The following RYR1 variants were observed in gnomAD, a reference collection of about 807,000 sequenced individuals.
RYR1 encodes the protein ryanodine receptor 1, also known as central core disease of muscle.
In RYR1, 342 loss-of-function variants were observed where a neutral mutation model predicts 583.5. The observed-to-expected ratio is 0.59, with a 90% CI of 0.54 to 0.64. The LOEUF is 0.64. Ranked by LOEUF, RYR1 falls within the 30% of genes least tolerant of loss-of-function variation. RYR1 has a pLI of 0.00. For missense variants in RYR1, 6,032 were observed against 6,917.2 expected (o/e 0.87, Z 4.54); for synonymous variants, 2,791 against 2,822.5 (o/e 0.99, Z 0.35).
chr19:38,484,749 T>G (rs1969198242), intron 33 of RYR1, among the ~76,000 whole-genome samples: 1 of 144,434 alleles, frequency 6.9e-6, no homozygotes, highest in Admixed American at 6.7e-5. Flanking sequence ...GAGGGAGGGT[T>G]GCTTGAGGCC....
intron 102 of RYR1, among the ~76,000 whole-genome samples, chr19:38,585,362 G>T (rs1227579084): frequency 7.1e-6 from 1 of 141,386 alleles, no homozygotes; most frequent in African/African-American, 2.8e-5. Flanking sequence ...GCTCAATAAA[G>T]GCCTGAGATA....
rs759159898 is a variant in RYR1 at position 38,463,438 on chromosome 19, C to T, written c.2593C>T (p.His865Tyr). ...CTGCCTCTAGATTGTCCTGCCGCCCCATCTGGAGCGCATTCGGGAGAAGCT... is the reference window on the plus strand; with the variant it reads ...CTGCCTCTAGATTGTCCTGCCGCCCTATCTGGAGCGCATTCGGGAGAAGCT... ...VDTVQIVLPP[H>Y]LERIREKLAE... The change falls in exon 21 of 106, where the codon CAT becomes TAT. Residue 865 changes from histidine to tyrosine, a missense_variant. Physicochemically the swap from His to Tyr is moderately conservative, Grantham distance 83 (BLOSUM62 2). This residue lies in a region of RYR1 where 2,627 missense variants were observed against 2,961.3 expected (regional missense o/e 0.89). Coordinates refer to ENST00000359596, the MANE Select transcript of RYR1 (RefSeq NM_000540.3). The T allele has an allele frequency of 6.2e-7, 1 of 1,613,988 alleles. No individual in the cohort carries two copies. Among genetic ancestry groups the T allele is most frequent in the Admixed American group, 1.7e-5 (1 of 60,008 alleles).
intron 93 of RYR1, among the ~76,000 whole-genome samples, chr19:38,569,673 C>T (rs1314981965): frequency 6.6e-6 from 1 of 152,134 alleles, no homozygotes; most frequent in Non-Finnish European, 1.5e-5. Flanking sequence ...GGCTGACTGC[C>T]CGGGTTCAAA....
At chr19:38,532,342 C>G in intron 76 of RYR1, 148 bp from the exon 77 acceptor site, 1 of 788,240 alleles carries the variant, frequency 1.3e-6, no homozygotes, top group South Asian at 1.5e-5. Flanking sequence ...AGGTTGGTTT[C>G]AGACTCCTGA....
intron 101 of RYR1, among the ~76,000 whole-genome samples, chr19:38,583,746 A>T (rs908635751): frequency 2.6e-5 from 4 of 151,880 alleles, no homozygotes; most frequent in Middle Eastern, 3.2e-3. Context: ...TTTGCACCTG[A>T]TGTTCTCTCT....
chr19:38,577,582 AG>A (rs1974013429), intron 97 of RYR1, among the ~76,000 whole-genome samples: 1 of 152,026 alleles, frequency 6.6e-6, no homozygotes, highest in Non-Finnish European at 1.5e-5. Flanking sequence ...AGATCACTTG[AG>A]GTTAGGAGTT....
At position 38,502,810 on chromosome 19, in the gene RYR1, GAGGAGCAGGGGC is replaced by G. The variant is rs1438980186; in HGVS notation, c.7836-66_7836-55del. ...GCAGGGGCAGGGGCAGGGGCAGGGG[GAGGAGCAGGGGC>G]AGGGGCAGCAGAGCGGGCCTGGACG... On this transcript the variant is annotated intron_variant, in intron 48 of 105. Transcript: ENST00000359596. 3.8e-4 allele frequency: 251 copies of G among 667,596 alleles called. 6 individuals are homozygous for G. Among genetic ancestry groups the G allele is most frequent in the East Asian group, 1.3e-3 (30 of 22,402 alleles). The allele number at this position is 667,596 out of a possible 1,614,324, so 41.4% of individuals were successfully genotyped here.
At chr19:38,441,544 G>A (rs1487981459) in intron 2 of RYR1, among the ~76,000 whole-genome samples, 2 of 151,486 alleles carry the variant, frequency 1.3e-5, no homozygotes, top group Non-Finnish European at 2.9e-5. Context: ...GGGGCAGCTG[G>A]AGTCTGAGAG....
chr19:38,543,792 C>T lies in RYR1; in HGVS notation c.11929C>T (p.Gln3977Ter), dbSNP rs1447117024. ...YIQGPCTGNQ[Q>*]SLAHSRLWDA... ...CCAGGGTCCCTGCACCGGGAACCAG[C>T]AGAGCCTGGCGCACAGTCGCCTATG... Residue 3977 changes from glutamine to a stop codon, truncating the protein, a stop_gained, in exon 87 of 106, where the codon CAG becomes TAG. Transcript: ENST00000359596. LOFTEE classifies it high-confidence loss of function. The surrounding 1 kb of genome is among the most constrained non-coding windows in gnomAD (Gnocchi z 4.4). 29 of 1,613,702 alleles carry T rather than the reference C, an allele frequency of 1.8e-5. No homozygotes were observed. Among genetic ancestry groups the T allele is most frequent in the Non-Finnish European group, 2.4e-5 (28 of 1,180,032 alleles).
chr19:38,467,503 C>T, intron 24 of RYR1, 107 bp from the exon 25 acceptor site: 1 of 1,206,376 alleles, frequency 8.3e-7, no homozygotes, highest in Non-Finnish European at 1.2e-6. Context: ...TCCAACAGTT[C>T]CCCAAAGCCC....
chr19:38,584,302 C>G (rs1310254418), intron 101 of RYR1, among the ~76,000 whole-genome samples: 1 of 103,750 alleles, frequency 9.6e-6, no homozygotes, highest in Admixed American at 9.8e-5. Flanking sequence ...TGTGCCCCCC[C>G]CCACCCATCC....
intron 75 of RYR1, 119 bp downstream of exon 75, chr19:38,528,814 T>C (rs1220527095): frequency 2.1e-6 from 3 of 1,433,026 alleles, no homozygotes; most frequent in Non-Finnish European, 2.9e-6. Flanking sequence ...AAATGCCAGC[T>C]CCTGGCTTGA....
At chr19:38,538,727 C>A (rs1416141694) in intron 84 of RYR1, 2 of 152,166 alleles carry the variant, frequency 1.3e-5, no homozygotes, top group African/African-American at 4.8e-5. Context: ...GTACAAAGGC[C>A]TACAGATTCT....
In RYR1 at chr19:38,496,777, GA is replaced by G; in HGVS notation, c.6797-78del. 1.5e-6 allele frequency: 2 copies of G among 1,375,042 alleles called. No homozygotes were observed. The highest frequency in any genetic ancestry group is 1.0e-6 in the Non-Finnish European group (1 of 964,986). 85.2% of individuals were successfully genotyped at this position (1,375,042 alleles called of 1,614,324 possible). A position where few individuals can be genotyped will look rare whatever the true frequency, so the allele number is the denominator to read the frequency against. On this transcript the variant is annotated intron_variant, in intron 41 of 105. Transcript: ENST00000359596. The surrounding 1 kb of genome is among the most constrained non-coding windows in gnomAD (Gnocchi z 4.8). The stretch of plus-strand genomic sequence containing the variant: ...CAGAGGAGGCACCTGATCCAGGCTG[GA>G]AAAAGGGTGGTCAGGGAGGGCTTCC...
chr19:38,514,011 G>C (rs1206349434), intron 63 of RYR1, among the ~76,000 whole-genome samples: 1 of 152,062 alleles, frequency 6.6e-6, no homozygotes, highest in African/African-American at 2.4e-5. Flanking sequence ...TCAGAATCCA[G>C]TCAAGTTTCT....
chr19:38,467,980 A>G, intron 25 of RYR1, 168 bp downstream of exon 25: 1 of 653,686 alleles, frequency 1.5e-6, no homozygotes, highest in African/African-American at 1.8e-5. Flanking sequence ...TCATCCATCC[A>G]TCCATCCATC....
chr19:38,520,293 C>T (rs764737138), intron 67 of RYR1, among the ~76,000 whole-genome samples: 6 of 150,692 alleles, frequency 4.0e-5, no homozygotes, highest in Admixed American at 1.3e-4. Flanking sequence ...CTTGAATTCC[C>T]GGGGTCAAGT....
At chr19:38,548,115 G>C (rs559431717) in intron 88 of RYR1, 118 bp from the exon 89 acceptor site, 7 of 1,121,134 alleles carry the variant, frequency 6.2e-6, no homozygotes, top group African/African-American at 3.1e-5. Context: ...AGGGGAGGCT[G>C]TGGCTGGCCA....
rs994973414 is a variant in RYR1, at chr19:38,473,582, C to T, written c.3971C>T (p.Ala1324Val). The change falls in exon 28 of 106, where the codon GCG (alanine) becomes GTG (valine). Residue 1324 changes from alanine to valine, a missense_variant. Ala to Val is a moderately conservative substitution (Grantham distance 64). Transcript: ENST00000359596. ...LQPPAEDEAR[A>V]AEPDPDYENL... is the part of the protein sequence containing the mutation. Reference sequence around the variant, plus strand: ...CCCCCCGCCGAGGACGAGGCCCGGGCGGCGGAACCCGACCCTGACTACGAA... The same window carrying T: ...CCCCCCGCCGAGGACGAGGCCCGGGTGGCGGAACCCGACCCTGACTACGAA... 13 of 1,588,170 alleles carry T rather than the reference C, an allele frequency of 8.2e-6. No homozygotes were observed. Among genetic ancestry groups the T allele is most frequent in the African/African-American group, 4.0e-5 (3 of 74,448 alleles).
Sources: gnomAD v4.1 joint callset for allele counts (sites outside exome capture counted in the v4.1 genomes callset) on GRCh38, gnomAD v4.1.1 for gene constraint, gnomAD v4.1.1 regional missense constraint, Gnocchi (gnomAD v3.1) non-coding constraint, MANE v1.5 for transcripts, NCBI Gene and HGNC (gene_info 2026-07-23, HGNC 2026-07-21) for gene names.